The following SERGEF variants were observed in gnomAD, a reference collection of about 807,000 sequenced individuals.
SERGEF encodes secretion regulating guanine nucleotide exchange factor, also known as secretion-regulating guanine nucleotide exchange factor.
A neutral mutation model predicts 50.0 loss-of-function variants in SERGEF; 51 were observed. The ratio of observed to expected loss-of-function variants is 1.02; its 90% CI spans 0.81 to 1.29. The LOEUF (loss-of-function observed/expected upper bound fraction) is 1.29, where lower values mean the gene tolerates loss of function less well. Among genes scored for constraint, SERGEF ranks in the 50% most tolerant of loss-of-function variants. SERGEF has a pLI of 0.00. For missense variants in SERGEF, 521 were observed against 557.0 expected (o/e 0.94, Z 0.65); for synonymous variants, 205 against 212.4 (o/e 0.97, Z 0.30).
At chr11:17,848,925 A>T (rs1850665451) in intron 10 of SERGEF, among the ~76,000 whole-genome samples, 1 of 152,200 alleles carries the variant, frequency 6.6e-6, no homozygotes. Context: ...TGTCCAGATT[A>T]TACAGTCGAA....
chr11:17,989,091 A>C (rs1380968027), intron 7 of SERGEF, among the ~76,000 whole-genome samples: 1 of 152,242 alleles, frequency 6.6e-6, no homozygotes, highest in Non-Finnish European at 1.5e-5. Context: ...ACGTTTTTAA[A>C]ATATATGCCT....
At position 17,788,097 on chromosome 11, in the gene SERGEF, A is replaced by C; in HGVS notation, c.1365T>G (p.Asn455Lys). The change falls in exon 11 of 11, where the codon AAT becomes AAG. Residue 455 changes from asparagine (N) to lysine (K), a missense_variant. Transcript: ENST00000265965. ...STQSQSDWSR[N>K]GGL is the part of the protein sequence containing the mutation. ...TAAAGATTCTCTATCACAGTCCCCCATTTCTGGACCAGTCAGATTGGCTTT... is the reference window on the plus strand; with the variant it reads ...TAAAGATTCTCTATCACAGTCCCCCCTTTCTGGACCAGTCAGATTGGCTTT... 1 of 1,522,758 alleles carries C rather than the reference A, an allele frequency of 6.6e-7. No individual in the cohort carries two copies. The highest frequency in any genetic ancestry group is 8.8e-7 in the Non-Finnish European group (1 of 1,133,636). 94.3% of individuals were successfully genotyped at this position (1,522,758 alleles called of 1,614,324 possible).
chr11:17,995,823 T>TG lies in SERGEF; in HGVS notation c.594dup (p.Thr199HisfsTer15). The TG allele has an allele frequency of 6.2e-7, 1 of 1,613,836 alleles. No homozygotes were observed. Among genetic ancestry groups the TG allele is most frequent in the Non-Finnish European group, 8.5e-7 (1 of 1,179,812 alleles). On this transcript the variant is annotated frameshift_variant, in exon 6 of 11. Transcript: ENST00000265965. LOFTEE classifies it high-confidence loss of function. ...GTCACTCTGCTTGGTTCCTTTGCTG[T>TG]GAAAAACAATGGAAGAGTCTGCCCA... is the stretch of plus-strand genomic sequence containing the variant.
At chr11:17,946,777 C>A (rs935404418) in intron 9 of SERGEF, among the ~76,000 whole-genome samples, 6 of 152,164 alleles carry the variant, frequency 3.9e-5, no homozygotes, top group African/African-American at 1.4e-4. Flanking sequence ...TATTTCTATG[C>A]CCCTCATGCT....
Position 17,864,297 on chromosome 11 carries a change from C to T in SERGEF, c.1048+13911G>A, listed in dbSNP as rs1850982586. Reference sequence around the variant, plus strand: ...TGGCCAGCATGAAAGAGTAATTTAGCAAGTATGGGAGCCTCCTCAACAGCC... The same window carrying T: ...TGGCCAGCATGAAAGAGTAATTTAGTAAGTATGGGAGCCTCCTCAACAGCC... On this transcript the variant is annotated intron_variant, in intron 10 of 10. Transcript: ENST00000265965. Among the ~76,000 whole-genome samples the T allele has an allele frequency of 2.6e-5, 4 of 152,276 alleles. No homozygotes were observed. The South Asian group carries it at 8.3e-4, about 32-fold the overall frequency.
intron 8 of SERGEF, among the ~76,000 whole-genome samples, chr11:17,978,194 G>C (rs945816629): frequency 8.6e-5 from 13 of 152,040 alleles, no homozygotes; most frequent in African/African-American, 2.9e-4. Context: ...TCAGGCTGTA[G>C]AGCAGTACCT....
intron 10 of SERGEF, among the ~76,000 whole-genome samples, chr11:17,849,430 T>C (rs542867227): frequency 6.6e-4 from 101 of 152,344 alleles, no homozygotes; most frequent in Non-Finnish European, 1.1e-3. Flanking sequence ...GTTTTACCTA[T>C]ACAATAAAAG....
chr11:18,008,189 G>A, intron 1 of SERGEF, 113 bp from the exon 2 acceptor site: 1 of 1,072,190 alleles, frequency 9.3e-7, no homozygotes. Flanking sequence ...TGTAACAGAT[G>A]AGATTTATTA....
At chr11:17,940,812 G>C (rs1412388454) in intron 9 of SERGEF, among the ~76,000 whole-genome samples, 1 of 152,158 alleles carries the variant, frequency 6.6e-6, no homozygotes, top group East Asian at 1.9e-4. Context: ...CAAAGGCTGA[G>C]ATATGAACCA....
chr11:17,900,834 A>C (rs1408797287), intron 9 of SERGEF, among the ~76,000 whole-genome samples: 2 of 152,224 alleles, frequency 1.3e-5, no homozygotes, highest in Non-Finnish European at 2.9e-5. Context: ...AGATAAACAA[A>C]GACTACTTGA....
intron 9 of SERGEF, among the ~76,000 whole-genome samples, chr11:17,941,442 T>C (rs1274058115): frequency 6.6e-6 from 1 of 152,228 alleles, no homozygotes; most frequent in Non-Finnish European, 1.5e-5. Flanking sequence ...GGTTCATCTA[T>C]GTTGTAGTAT....
chr11:18,011,957 T>C (rs1244515166), intron 1 of SERGEF, among the ~76,000 whole-genome samples: 1 of 152,200 alleles, frequency 6.6e-6, no homozygotes, highest in African/African-American at 2.4e-5. Context: ...CAACTAATAC[T>C]GATTTTAACA....
At chr11:17,935,411 G>T (rs1020367297) in intron 9 of SERGEF, among the ~76,000 whole-genome samples, 1 of 152,128 alleles carries the variant, frequency 6.6e-6, no homozygotes, top group African/African-American at 2.4e-5. Flanking sequence ...TGAGGCTGCA[G>T]TGAGCTGTGA....
intron 10 of SERGEF, among the ~76,000 whole-genome samples, chr11:17,872,238 C>G (rs1851153184): frequency 6.6e-6 from 1 of 152,192 alleles, no homozygotes; most frequent in Admixed American, 6.5e-5. Context: ...AGAGATGGAG[C>G]ATGAACTAGT....
chr11:18,000,638 A>G (rs113008194), intron 4 of SERGEF, 81 bp from the exon 5 acceptor site: 1 of 1,000,678 alleles, frequency 1.0e-6, no homozygotes, highest in Non-Finnish European at 1.6e-6. Flanking sequence ...AATACAATGC[A>G]GTACGGTCCT....
At chr11:17,989,548 C>T (rs1853669221) in intron 7 of SERGEF, among the ~76,000 whole-genome samples, 1 of 152,182 alleles carries the variant, frequency 6.6e-6, no homozygotes, top group Non-Finnish European at 1.5e-5. Context: ...GAGTACGTGC[C>T]TATCTAAAAG....
chr11:17,834,386 G>A (rs564395900), intron 10 of SERGEF, among the ~76,000 whole-genome samples: 3 of 152,186 alleles, frequency 2.0e-5, no homozygotes, highest in Middle Eastern at 3.4e-3. Flanking sequence ...GCTCAGTCTC[G>A]GGTATATCTT....
intron 9 of SERGEF, among the ~76,000 whole-genome samples, chr11:17,892,738 A>G (rs1291683774): frequency 6.6e-6 from 1 of 152,208 alleles, no homozygotes; most frequent in African/African-American, 2.4e-5. Flanking sequence ...ACTTGTGTGT[A>G]GTTGAACAGA....
intron 9 of SERGEF, among the ~76,000 whole-genome samples, chr11:17,896,341 A>G (rs1565197705): frequency 6.6e-6 from 1 of 152,128 alleles, no homozygotes; most frequent in Non-Finnish European, 1.5e-5. Flanking sequence ...TTAATTCTAT[A>G]AAGTATACGT....
Sources: gnomAD v4.1 joint callset for allele counts (sites outside exome capture counted in the v4.1 genomes callset) on GRCh38, gnomAD v4.1.1 for gene constraint, MANE v1.5 for transcripts, NCBI Gene and HGNC (gene_info 2026-07-23, HGNC 2026-07-21) for gene names.